Variants in CSNK1G3 observed in about 807,000 individuals in gnomAD.
The protein encoded by CSNK1G3 is casein kinase 1 gamma 3.
A neutral mutation model predicts 64.3 loss-of-function variants in CSNK1G3; 23 were observed. That is an observed-to-expected ratio of 0.36 (90% CI 0.26 to 0.51). The LOEUF is 0.51. Among genes scored for constraint, CSNK1G3 ranks in the 20% least tolerant of loss-of-function variants. CSNK1G3 has a pLI of 0.96. For synonymous variants in CSNK1G3, 158 were observed against 162.2 expected (o/e 0.97, Z 0.20); for missense variants, 357 against 510.5 (o/e 0.70, Z 2.90).
chr5:123,610,303 G>A (rs1796093172), intron 12 of CSNK1G3, among the ~76,000 whole-genome samples: 1 of 152,088 alleles, frequency 6.6e-6, no homozygotes, highest in Admixed American at 6.6e-5. Context: ...TTAAAGATTA[G>A]ATGCCATAAA....
intron 1 of CSNK1G3, among the ~76,000 whole-genome samples, chr5:123,542,823 TAGC>T (rs1330833023): frequency 6.6e-6 from 1 of 150,892 alleles, no homozygotes; most frequent in African/African-American, 2.4e-5. Flanking sequence ...TTTTGGATTT[TAGC>T]AGTTTGTGAT....
At chr5:123,531,619 T>A (rs1284031949) in intron 1 of CSNK1G3, among the ~76,000 whole-genome samples, 2 of 152,044 alleles carry the variant, frequency 1.3e-5, no homozygotes, top group Non-Finnish European at 2.9e-5. Context: ...TTCTCAAAGA[T>A]AATTTTTAAA....
chr5:123,573,342 C>T (rs1309603990), intron 4 of CSNK1G3, 51 bp from the exon 5 acceptor site: 4 of 1,557,052 alleles, frequency 2.6e-6, no homozygotes, highest in South Asian at 2.3e-5. Flanking sequence ...AGAGGAAAAC[C>T]TTAGTATTTA....
intron 3 of CSNK1G3, among the ~76,000 whole-genome samples, chr5:123,553,777 T>C (rs1054644884): frequency 6.6e-6 from 1 of 152,236 alleles, no homozygotes; most frequent in Non-Finnish European, 1.5e-5. Context: ...AGACATACTT[T>C]TCCTGGTACA....
At chr5:123,574,006 C>T (rs900660853) in intron 5 of CSNK1G3, among the ~76,000 whole-genome samples, 4 of 152,022 alleles carry the variant, frequency 2.6e-5, no homozygotes, top group Non-Finnish European at 5.9e-5. Flanking sequence ...CATGCCACTA[C>T]GCCCGACCAA....
intron 2 of CSNK1G3, among the ~76,000 whole-genome samples, chr5:123,546,619 A>T (rs1782569695): frequency 6.6e-6 from 1 of 152,256 alleles, no homozygotes; most frequent in East Asian, 1.9e-4. Context: ...AGAAGTCAGT[A>T]TTCAGGTACC....
At chr5:123,603,787 CAT>C (rs1794885318) in intron 10 of CSNK1G3, among the ~76,000 whole-genome samples, 1 of 152,056 alleles carries the variant, frequency 6.6e-6, no homozygotes, top group African/African-American at 2.4e-5. Flanking sequence ...AGAATCTCGA[CAT>C]ATTGGATGGA....
chr5:123,587,097 G>C (rs1042006307), intron 6 of CSNK1G3, among the ~76,000 whole-genome samples: 4 of 152,182 alleles, frequency 2.6e-5, no homozygotes, highest in Non-Finnish European at 4.4e-5. Context: ...TGAGATTTGG[G>C]TGTGAACACA....
chr5:123,583,380 G>A (rs1354887458), intron 6 of CSNK1G3, among the ~76,000 whole-genome samples: 1 of 135,754 alleles, frequency 7.4e-6, no homozygotes, highest in Non-Finnish European at 1.5e-5. Context: ...TTTTTTTTGA[G>A]ACTGAGTTTC....
At chr5:123,581,627 T>C (rs1032450300) in intron 6 of CSNK1G3, among the ~76,000 whole-genome samples, 1 of 151,848 alleles carries the variant, frequency 6.6e-6, no homozygotes, top group Non-Finnish European at 1.5e-5. Context: ...ATTAGGTGTT[T>C]AGATTAGTGA....
intron 1 of CSNK1G3, among the ~76,000 whole-genome samples, chr5:123,543,368 T>G (rs1781997527): frequency 6.6e-6 from 1 of 152,134 alleles, no homozygotes. Flanking sequence ...GAATAGGAAC[T>G]TTAGAGTCTC....
At chr5:123,609,963 A>C (rs1796033569) in intron 12 of CSNK1G3, among the ~76,000 whole-genome samples, 1 of 152,206 alleles carries the variant, frequency 6.6e-6, no homozygotes, top group African/African-American at 2.4e-5. Flanking sequence ...GGAGAGACTT[A>C]GACTGGGAAG....
exon 10 of CSNK1G3, chr5:123,591,383 A>G: frequency 6.2e-7 from 1 of 1,610,070 alleles, no homozygotes; most frequent in Non-Finnish European, 8.5e-7. Context: ...GCACATCAAC[A>G]CAGAGATAAG....
intron 1 of CSNK1G3, among the ~76,000 whole-genome samples, chr5:123,541,951 G>GT (rs982019736): frequency 5.9e-5 from 9 of 151,396 alleles, no homozygotes; most frequent in Non-Finnish European, 1.2e-4. Flanking sequence ...TTCTTGTACT[G>GT]TTTTTTTAGC....
chr5:123,582,166 T>G (rs7709540), intron 6 of CSNK1G3, among the ~76,000 whole-genome samples: 2 of 151,842 alleles, frequency 1.3e-5, no homozygotes, highest in Admixed American at 6.6e-5. Flanking sequence ...GGAAACAGTG[T>G]TAGGCAAGTG....
chr5:123,600,921 T>C (rs1319322800), intron 10 of CSNK1G3, among the ~76,000 whole-genome samples: 1 of 151,760 alleles, frequency 6.6e-6, no homozygotes, highest in Non-Finnish European at 1.5e-5. Flanking sequence ...TTTTTTTATC[T>C]TCTTAAAATA....
rs192510854 is a variant in CSNK1G3, at chr5:123,571,946, A to G, written c.290-1447A>G. Among the ~76,000 whole-genome samples the G allele has an allele frequency of 2.9e-3, 448 of 152,366 alleles. 1 individual carries two copies. The highest frequency in any genetic ancestry group is 5.4e-3 in the Non-Finnish European group (368 of 68,038). ...AATGGGAATATATGTGAGTATATTC[A>G]GGGAGGTAAAGGAAGACAAGAGTTT... On this transcript the variant is annotated intron_variant, in intron 4 of 12. Transcript: ENST00000345990.
intron 6 of CSNK1G3, among the ~76,000 whole-genome samples, chr5:123,576,881 T>C (rs1408554785): frequency 6.6e-6 from 1 of 152,140 alleles, no homozygotes; most frequent in African/African-American, 2.4e-5. Flanking sequence ...CCATTGATGA[T>C]TTTCTAACTC....
intron 1 of CSNK1G3, among the ~76,000 whole-genome samples, chr5:123,534,814 GATA>G (rs1780523487): frequency 6.6e-6 from 1 of 152,114 alleles, no homozygotes; most frequent in African/African-American, 2.4e-5. Flanking sequence ...GAGACTGCGA[GATA>G]ATGTTTGTGT....
Sources: allele counts gnomAD v4.1 joint callset (sites outside exome capture counted in the v4.1 genomes callset), GRCh38; gene constraint gnomAD v4.1.1; transcripts MANE v1.5; gene names NCBI Gene and HGNC (gene_info 2026-07-23, HGNC 2026-07-21).